The following UNC13B variants were observed in gnomAD, a reference collection of about 807,000 sequenced individuals.
UNC13B encodes protein unc-13 homolog B.
Under a neutral mutation model 211.0 loss-of-function variants are expected in UNC13B, and 144 were observed. The observed-to-expected ratio is 0.68, with a 90% confidence interval of 0.60 to 0.78. The LOEUF (loss-of-function observed/expected upper bound fraction) is 0.78. Among genes scored for constraint, UNC13B ranks in the 30% least tolerant of loss-of-function variants. The pLI, the probability that UNC13B is intolerant of heterozygous loss-of-function variation, is 0.00. For missense variants in UNC13B, 1,777 were observed against 2,002.0 expected (o/e 0.89, Z 2.14); for synonymous variants, 709 against 725.8 (o/e 0.98, Z 0.37).
intron 1 of UNC13B, among the ~76,000 whole-genome samples, chr9:35,190,428 A>G (rs1822589425): frequency 6.6e-6 from 1 of 152,238 alleles, no homozygotes; most frequent in South Asian, 2.1e-4. Context: ...GTAATTTGAT[A>G]TCCCCAAAAC....
intron 7 of UNC13B, among the ~76,000 whole-genome samples, chr9:35,279,722 G>T (rs1828379381): frequency 6.6e-6 from 1 of 152,154 alleles, no homozygotes; most frequent in African/African-American, 2.4e-5. Context: ...ATTTAACAAT[G>T]CATTTGAATT....
intron 1 of UNC13B, among the ~76,000 whole-genome samples, chr9:35,185,571 C>A (rs920341702): frequency 6.6e-6 from 1 of 152,130 alleles, no homozygotes; most frequent in Non-Finnish European, 1.5e-5. Context: ...CTTGCTACAG[C>A]TTTTCTCAAA....
At chr9:35,394,427 C>T (rs1264641259) in intron 26 of UNC13B, among the ~76,000 whole-genome samples, 1 of 152,096 alleles carries the variant, frequency 6.6e-6, no homozygotes, top group Non-Finnish European at 1.5e-5. Context: ...GAAACCCCAA[C>T]TCTACTAAAA....
At chr9:35,266,052 C>G (rs1827556434) in intron 7 of UNC13B, among the ~76,000 whole-genome samples, 1 of 152,124 alleles carries the variant, frequency 6.6e-6, no homozygotes, top group South Asian at 2.1e-4. Context: ...ATCTGCCTGG[C>G]TTGGTCTCCA....
chr9:35,215,333 G>T (rs576151592), intron 1 of UNC13B, among the ~76,000 whole-genome samples: 33 of 152,290 alleles, frequency 2.2e-4, no homozygotes, highest in African/African-American at 7.7e-4. Flanking sequence ...AGCCCAGGAG[G>T]TCAAGGCGGC....
At chr9:35,251,122 C>G (rs1826452310) in intron 6 of UNC13B, among the ~76,000 whole-genome samples, 1 of 151,970 alleles carries the variant, frequency 6.6e-6, no homozygotes, top group Admixed American at 6.6e-5. Flanking sequence ...GCCACCGCAC[C>G]CGGCTAATTT....
At chr9:35,234,519 TTA>T (rs1825386053) in intron 3 of UNC13B, among the ~76,000 whole-genome samples, 1 of 152,224 alleles carries the variant, frequency 6.6e-6, no homozygotes, top group African/African-American at 2.4e-5. Context: ...TTAGGCTGAA[TTA>T]AATTATGTGA....
At chr9:35,193,606 C>T (rs182047865) in intron 1 of UNC13B, among the ~76,000 whole-genome samples, 14 of 145,764 alleles carry the variant, frequency 9.6e-5, no homozygotes, top group East Asian at 2.0e-4. Context: ...TGCATTGAGC[C>T]GAGACTGCAC....
rs1385093849 is a variant in UNC13B, at chr9:35,381,695, T to C, written c.10631T>C (p.Ile3544Thr). Residue 3544 changes from isoleucine (I) to threonine (T), a missense_variant, in exon 20 of 40, where the codon ATT becomes ACT. Physicochemically the swap from Ile to Thr is moderately conservative, Grantham distance 89. Transcript: ENST00000635942. Reference protein sequence around the residue: ...IVDEFAMRYGIESIYQAMTHF... With the variant: ...IVDEFAMRYGTESIYQAMTHF... ...GATGAATTTGCCATGCGTTATGGCA[T>C]TGAGTCCATATATCAGGCCATGACG... The C allele has an allele frequency of 2.5e-6, 4 of 1,614,068 alleles. No individual in the cohort carries two copies. The African/African-American group carries it at 4.0e-5, about 16-fold the overall frequency.
chr9:35,339,774 G>A (rs929685725), intron 11 of UNC13B, among the ~76,000 whole-genome samples: 7 of 152,260 alleles, frequency 4.6e-5, no homozygotes, highest in Non-Finnish European at 7.3e-5. Flanking sequence ...TGGGCTGGAT[G>A]TGTTTGGGTG....
At chr9:35,317,130 C>G (rs760333219) in intron 11 of UNC13B, among the ~76,000 whole-genome samples, 1 of 152,104 alleles carries the variant, frequency 6.6e-6, no homozygotes, top group Non-Finnish European at 1.5e-5. Context: ...AAAAAATTTT[C>G]CATGGATAGG....
chr9:35,242,987 C>G (rs1462011795), intron 5 of UNC13B, among the ~76,000 whole-genome samples: 1 of 152,136 alleles, frequency 6.6e-6, no homozygotes, highest in Admixed American at 6.6e-5. Flanking sequence ...TTTTTGGAAT[C>G]ATACAAACCA....
chr9:35,288,372 A>C (rs1457976677), intron 7 of UNC13B, among the ~76,000 whole-genome samples: 1 of 152,146 alleles, frequency 6.6e-6, no homozygotes, highest in Admixed American at 6.5e-5. Flanking sequence ...TAAGACCCAT[A>C]GTCATTAGGT....
intron 1 of UNC13B, among the ~76,000 whole-genome samples, chr9:35,212,121 C>A (rs1824001344): frequency 6.6e-6 from 1 of 152,188 alleles, no homozygotes; most frequent in Non-Finnish European, 1.5e-5. Context: ...TACTAAGAAA[C>A]CTGAGCTTAC....
intron 7 of UNC13B, among the ~76,000 whole-genome samples, chr9:35,274,091 T>TA (rs1564107269): frequency 6.6e-6 from 1 of 152,098 alleles, no homozygotes; most frequent in Non-Finnish European, 1.5e-5. Context: ...CAGCTCCAAG[T>TA]AAAAAAGAAG....
At chr9:35,257,528 C>T (rs1826993865) in intron 6 of UNC13B, among the ~76,000 whole-genome samples, 1 of 127,296 alleles carries the variant, frequency 7.9e-6, no homozygotes, top group Admixed American at 1.0e-4. Context: ...TTGCAGTGAG[C>T]CGAAATAGCT....
intron 11 of UNC13B, among the ~76,000 whole-genome samples, chr9:35,324,795 A>C (rs1049860184): frequency 2.0e-5 from 3 of 151,984 alleles, no homozygotes; most frequent in African/African-American, 7.3e-5. Flanking sequence ...TTTTCATATA[A>C]ATCTATACAT....
rs1825913443 is a variant in UNC13B, at chr9:35,243,380, T to C, written c.468+16T>C. ...TGACAATGAGGTAGGAGCAGCCTTA[T>C]TTGCAGTATAGAGAGATGGGGGAAA... On this transcript the variant is annotated intron_variant, in intron 6 of 39. Transcript: ENST00000635942. The C allele has an allele frequency of 1.2e-6, 2 of 1,613,194 alleles. No individual in the cohort carries two copies. The highest frequency in any genetic ancestry group is 1.7e-6 in the Non-Finnish European group (2 of 1,179,458).
intron 14 of UNC13B, among the ~76,000 whole-genome samples, chr9:35,375,819 A>G (rs536524959): frequency 2.6e-4 from 39 of 152,248 alleles, no homozygotes; most frequent in African/African-American, 8.9e-4. Context: ...TGTCTCTACT[A>G]AAAATACAAA....
Sources: gnomAD v4.1 joint callset for allele counts (sites outside exome capture counted in the v4.1 genomes callset) on GRCh38, gnomAD v4.1.1 for gene constraint, MANE v1.5 for transcripts, NCBI Gene and HGNC (gene_info 2026-07-23, HGNC 2026-07-21) for gene names.